Variants in PRELID2 observed in about 807,000 individuals in gnomAD.
The protein encoded by PRELID2 is PRELI domain containing 2, also known as PRELI domain-containing protein 2.
PRELID2 carries 25 observed loss-of-function variants against 28.4 expected under a neutral mutation model. The observed-to-expected ratio is 0.88, with a 90% CI of 0.64 to 1.23. PRELID2 has a LOEUF of 1.23. Ranked by LOEUF, PRELID2 falls within the 50% of genes most tolerant of loss-of-function variation. The pLI, the probability that PRELID2 is intolerant of heterozygous loss-of-function variation, is 0.00. For synonymous variants in PRELID2, 76 were observed against 71.6 expected, an observed-to-expected ratio of 1.06 and a Z score of -0.31; for missense variants, 201 against 214.4, an observed-to-expected ratio of 0.94 and a Z score of 0.39.
intron 1 of PRELID2, among the ~76,000 whole-genome samples, chr5:145,735,244 C>CAA (rs112613176): frequency 1.2e-4 from 11 of 88,488 alleles, no homozygotes; most frequent in Admixed American, 2.5e-4. Context: ...GTCTCCATCT[C>CAA]AAAAAAAAAA....
At chr5:145,467,542 T>C (rs1380681203), downstream of PRELID2, among the ~76,000 whole-genome samples, 1 of 152,176 alleles carries the variant, frequency 6.6e-6, no homozygotes, top group African/African-American at 2.4e-5. Flanking sequence ...TTAGCTAATA[T>C]ATATTTAGTA....
At chr5:145,367,196 C>T in the PRELID2 span, among the ~76,000 whole-genome samples, 2,370 of 151,934 alleles carry the variant, frequency 0.016, 35 homozygotes, top group Non-Finnish European at 0.019. Context: ...GAAAAGCCTT[C>T]TTTGACCACT....
chr5:145,412,853 C>T, the PRELID2 span, among the ~76,000 whole-genome samples: 1 of 152,134 alleles, frequency 6.6e-6, no homozygotes, highest in African/African-American at 2.4e-5. Flanking sequence ...TGGCGGAAGG[C>T]ACGTCTTCAC....
intron 6 of PRELID2, among the ~76,000 whole-genome samples, 172 bp from the exon 7 acceptor site, chr5:145,760,697 C>T (rs907381878): frequency 6.6e-6 from 1 of 152,124 alleles, no homozygotes; most frequent in African/African-American, 2.4e-5. Context: ...AAGGCAAGCA[C>T]CTCATTTTAT....
chr5:145,665,483 C>T (rs895255630), intron 1 of PRELID2, among the ~76,000 whole-genome samples: 1 of 152,104 alleles, frequency 6.6e-6, no homozygotes, highest in South Asian at 2.1e-4. Flanking sequence ...TACACGTCTC[C>T]ATACTTCAAC....
chr5:145,463,313 A>G, the PRELID2 span, among the ~76,000 whole-genome samples: 1 of 139,754 alleles, frequency 7.2e-6, no homozygotes, highest in Non-Finnish European at 1.6e-5. Flanking sequence ...TCTCCTAATC[A>G]TTTTTTAACT....
chr5:145,258,734 G>A, the PRELID2 span, among the ~76,000 whole-genome samples: 4 of 152,158 alleles, frequency 2.6e-5, no homozygotes, highest in African/African-American at 7.2e-5. Context: ...TTGCAGCCTG[G>A]CTGTGTGGTA....
intron 1 of PRELID2, among the ~76,000 whole-genome samples, chr5:145,637,241 T>A (rs1190149465): frequency 6.6e-6 from 1 of 152,240 alleles, no homozygotes; most frequent in African/African-American, 2.4e-5. Flanking sequence ...TTACATGCAT[T>A]ATTTCATTAT....
chr5:145,552,397 T>C (rs767107189), intron 1 of PRELID2, among the ~76,000 whole-genome samples: 1 of 152,022 alleles, frequency 6.6e-6, no homozygotes, highest in Non-Finnish European at 1.5e-5. Flanking sequence ...CTTTGATTAT[T>C]ATAATCACAT....
chr5:145,564,962 C>G (rs1435505689), intron 1 of PRELID2, among the ~76,000 whole-genome samples: 1 of 152,196 alleles, frequency 6.6e-6, no homozygotes, highest in Non-Finnish European at 1.5e-5. Context: ...CCTGCTTCGG[C>G]TCACCCTCCG....
intron 1 of PRELID2, among the ~76,000 whole-genome samples, chr5:145,528,856 TC>T (rs1752632572): frequency 2.0e-5 from 3 of 152,042 alleles, no homozygotes; most frequent in African/African-American, 7.2e-5. Flanking sequence ...TTATTCAACT[TC>T]CCACTGTGCT....
chr5:145,680,254 C>T (rs961491061), intron 1 of PRELID2, among the ~76,000 whole-genome samples: 18 of 152,132 alleles, frequency 1.2e-4, no homozygotes, highest in Non-Finnish European at 2.1e-4. Context: ...AACTTGGGAG[C>T]CAGTGATTTA....
chr5:145,498,204 GA>G (rs1050641823), intron 1 of PRELID2, among the ~76,000 whole-genome samples: 2 of 152,028 alleles, frequency 1.3e-5, no homozygotes, highest in African/African-American at 4.8e-5. Context: ...ACTAAATTAG[GA>G]AGCTAAATCT....
the PRELID2 span, among the ~76,000 whole-genome samples, chr5:145,383,333 TAC>T: frequency 0.32 from 47,357 of 149,872 alleles, 7,934 homozygotes; most frequent in East Asian, 0.7. Flanking sequence ...ATTTCATTTA[TAC>T]ACACACACAC....
At chr5:145,595,155 A>C (rs949775691) in intron 1 of PRELID2, among the ~76,000 whole-genome samples, 1 of 94,240 alleles carries the variant, frequency 1.1e-5, no homozygotes, top group South Asian at 4.0e-4. Flanking sequence ...AAGAAGAGTC[A>C]TAATAGACAC....
At chr5:145,375,588 G>C in the PRELID2 span, among the ~76,000 whole-genome samples, 4 of 152,198 alleles carry the variant, frequency 2.6e-5, 1 homozygote, top group African/African-American at 9.6e-5. Flanking sequence ...GGCGAAGTCT[G>C]CTGATCAGCA....
intron 1 of PRELID2, among the ~76,000 whole-genome samples, chr5:145,705,491 T>A (rs901537661): frequency 1.3e-5 from 2 of 152,108 alleles, no homozygotes; most frequent in African/African-American, 4.8e-5. Flanking sequence ...ATGAGCCACC[T>A]GCCCAGCTAA....
At chr5:145,507,648 G>A (rs1476752898) in intron 1 of PRELID2, among the ~76,000 whole-genome samples, 1 of 152,148 alleles carries the variant, frequency 6.6e-6, no homozygotes, top group Non-Finnish European at 1.5e-5. Context: ...TCTAGTGTTT[G>A]CAAGTGCTGA....
the PRELID2 span, among the ~76,000 whole-genome samples, chr5:145,378,469 G>A: frequency 1.3e-5 from 2 of 152,020 alleles, no homozygotes; most frequent in African/African-American, 4.8e-5. Context: ...ATTTCTCAGA[G>A]GTTTTGTTCA....
Sources: allele counts gnomAD v4.1 joint callset (sites outside exome capture counted in the v4.1 genomes callset), GRCh38; gene constraint gnomAD v4.1.1; transcripts MANE v1.5; gene names NCBI Gene and HGNC (gene_info 2026-07-23, HGNC 2026-07-21).